AUTS2: variants seen among roughly 807,000 people sequenced by gnomAD.
AUTS2 encodes the protein activator of transcription and developmental regulator AUTS2.
AUTS2 carries 17 observed loss-of-function variants against 112.4 expected under a neutral mutation model. The ratio of observed to expected loss-of-function variants is 0.15; its 90% CI spans 0.10 to 0.23. The LOEUF is 0.23. Ranked by LOEUF, AUTS2 falls within the 10% of genes least tolerant of loss-of-function variation. The pLI is 1.00. For missense variants in AUTS2, 1,510 were observed against 1,701.6 expected, an observed-to-expected ratio of 0.89 and a Z score of 1.98; for synonymous variants, 751 against 702.7, an observed-to-expected ratio of 1.07 and a Z score of -1.09.
chr7:70,693,093 C>G (rs1808841290), intron 5 of AUTS2, among the ~76,000 whole-genome samples: 1 of 152,184 alleles, frequency 6.6e-6, no homozygotes, highest in Non-Finnish European at 1.5e-5. Context: ...ATTGCAGCAG[C>G]TTTTCCTCTG....
chr7:70,377,317 C>CAAATAT (rs1390896018), intron 4 of AUTS2, among the ~76,000 whole-genome samples: 9 of 49,632 alleles, frequency 1.8e-4, no homozygotes, highest in South Asian at 7.3e-4. Flanking sequence ...CTCAAACAAA[C>CAAATAT]AAATATAAAT....
chr7:70,270,841 A>G (rs1383633931), intron 4 of AUTS2, among the ~76,000 whole-genome samples: 1 of 152,132 alleles, frequency 6.6e-6, no homozygotes, highest in Non-Finnish European at 1.5e-5. Context: ...GGGAAGACAT[A>G]TCATCTTTAC....
chr7:70,115,992 G>A (rs12698853), intron 2 of AUTS2, among the ~76,000 whole-genome samples: 38,337 of 151,974 alleles, frequency 0.25, 4,825 homozygotes, highest in Middle Eastern at 0.33. Context: ...AACGTTCAGG[G>A]AATGGAGACA....
At chr7:69,966,564 G>A (rs553396991) in intron 2 of AUTS2, among the ~76,000 whole-genome samples, 5 of 152,224 alleles carry the variant, frequency 3.3e-5, no homozygotes, top group African/African-American at 1.2e-4. Flanking sequence ...TTCCAAATGG[G>A]TCTTAATTAT....
intron 4 of AUTS2, among the ~76,000 whole-genome samples, chr7:70,137,447 T>C (rs1360189777): frequency 6.6e-6 from 1 of 151,238 alleles, no homozygotes; most frequent in Non-Finnish European, 1.5e-5. Context: ...CTTGTTAGAG[T>C]GTGTGTAGGA....
At chr7:69,972,681 G>A (rs1029961433) in intron 2 of AUTS2, among the ~76,000 whole-genome samples, 3 of 151,722 alleles carry the variant, frequency 2.0e-5, no homozygotes, top group South Asian at 4.2e-4. Flanking sequence ...ATGTGTGTGT[G>A]TGTGTGTGTG....
intron 5 of AUTS2, among the ~76,000 whole-genome samples, chr7:70,600,158 T>A (rs1226111393): frequency 1.3e-5 from 2 of 152,198 alleles, no homozygotes; most frequent in Non-Finnish European, 2.9e-5. Context: ...TTTTTTCTGT[T>A]TGTTTTGTTT....
Position 70,712,193 on chromosome 7 carries a change from C to CTTTTTTTTTTTT in AUTS2, c.742+13596_742+13607dup, listed in dbSNP as rs67326941. Among the ~76,000 whole-genome samples, 3 of 45,084 alleles carry CTTTTTTTTTTTT rather than the reference C, an allele frequency of 6.7e-5. 1 individual carries two copies. The highest frequency in any genetic ancestry group is 2.0e-4 in the African/African-American group (2 of 10,140). The allele number at this position is 45,084 out of a possible 152,430, so 29.6% of individuals were successfully genotyped here. On this transcript the variant is annotated intron_variant, in intron 6 of 18. Transcript: ENST00000342771. ...GGCACAAGCCACCATGCCTGGCTCACTTTTTTTTTTTTTTTTTTTTTTTTT... is the reference window on the plus strand; with the variant it reads ...GGCACAAGCCACCATGCCTGGCTCACTTTTTTTTTTTTTTTTTTTTTTTTTTTTTTTTTTTTT...
At chr7:69,847,597 TTTG>T (rs1181987599) in intron 1 of AUTS2, among the ~76,000 whole-genome samples, 3 of 152,186 alleles carry the variant, frequency 2.0e-5, no homozygotes, top group Non-Finnish European at 4.4e-5. Flanking sequence ...TTCAGATTGA[TTTG>T]TTGTTCAAAA....
At position 70,096,666 on chromosome 7, in the gene AUTS2, G is replaced by A. The variant is rs375393707; in HGVS notation, c.523-21466G>A. ...TGTGTAAAGGACTATACTCATTTGA[G>A]TTTGTATAATTTTCATTATTATTAC... On this transcript the variant is annotated intron_variant, in intron 2 of 18. Coordinates refer to ENST00000342771, the MANE Select transcript of AUTS2 (RefSeq NM_015570.4). 1.5e-4 allele frequency among the ~76,000 whole-genome samples: 23 copies of A among 151,136 alleles called. No homozygotes were observed. The East Asian group carries it at 4.5e-3, about 29-fold the overall frequency.
chr7:69,770,420 C>T (rs776708144), intron 1 of AUTS2, among the ~76,000 whole-genome samples: 12 of 152,250 alleles, frequency 7.9e-5, no homozygotes, highest in East Asian at 1.9e-4. Context: ...CATGATGGGT[C>T]GGTGGATTTC....
chr7:69,964,119 T>C (rs1797537569), intron 2 of AUTS2, among the ~76,000 whole-genome samples: 3 of 152,186 alleles, frequency 2.0e-5, no homozygotes, highest in African/African-American at 7.2e-5. Context: ...ACTGTTCCAC[T>C]ATCCTACCAT....
At chr7:70,757,807 C>CT (rs3974412) in intron 6 of AUTS2, among the ~76,000 whole-genome samples, 23,188 of 60,564 alleles carry the variant, frequency 0.38, 4,893 homozygotes, top group Middle Eastern at 0.5. Flanking sequence ...TCCATGGCTT[C>CT]TTTTTTTTTT....
chr7:70,528,821 G>T (rs988237902), intron 5 of AUTS2, among the ~76,000 whole-genome samples: 3 of 151,504 alleles, frequency 2.0e-5, no homozygotes, highest in African/African-American at 7.3e-5. Context: ...AAAAAAAAAG[G>T]AGTATGCCCT....
intron 1 of AUTS2, among the ~76,000 whole-genome samples, chr7:69,895,912 C>T (rs1794724069): frequency 6.6e-6 from 1 of 152,184 alleles, no homozygotes; most frequent in South Asian, 2.1e-4. Context: ...TAATCTGATC[C>T]TCTACATGCA....
intron 2 of AUTS2, among the ~76,000 whole-genome samples, chr7:70,043,590 T>TTCCTTCCC (rs1554434806): frequency 4.3e-5 from 5 of 115,922 alleles, no homozygotes; most frequent in South Asian, 5.8e-4. Flanking sequence ...CCTTCCTTCC[T>TTCCTTCCC]TCCTTCCTTC....
intron 2 of AUTS2, among the ~76,000 whole-genome samples, chr7:70,031,181 C>G (rs1269538501): frequency 6.6e-6 from 1 of 152,054 alleles, no homozygotes. Context: ...AGGGCCTTCC[C>G]CTTGGTTGTG....
At chr7:69,642,533 A>G (rs1015848950) in intron 1 of AUTS2, among the ~76,000 whole-genome samples, 4 of 152,168 alleles carry the variant, frequency 2.6e-5, no homozygotes, top group Non-Finnish European at 5.9e-5. Context: ...GTTGGCAAGG[A>G]CTTGTGTATA....
At chr7:70,509,401 C>T (rs556475120) in intron 5 of AUTS2, among the ~76,000 whole-genome samples, 10 of 152,266 alleles carry the variant, frequency 6.6e-5, no homozygotes, top group East Asian at 5.8e-4. Flanking sequence ...AAGTACCCTA[C>T]GGAAGGTACA....
Sources: gnomAD v4.1 joint callset for allele counts (sites outside exome capture counted in the v4.1 genomes callset) on GRCh38, gnomAD v4.1.1 for gene constraint, MANE v1.5 for transcripts, NCBI Gene and HGNC (gene_info 2026-07-23, HGNC 2026-07-21) for gene names.